FANCL: variants seen among roughly 807,000 people sequenced by gnomAD.
FANCL encodes FA complementation group L, also known as E3 ubiquitin-protein ligase FANCL.
A neutral mutation model predicts 59.4 loss-of-function variants in FANCL; 69 were observed. The ratio of observed to expected loss-of-function variants is 1.16; its 90% CI spans 0.96 to 1.42. The LOEUF (loss-of-function observed/expected upper bound fraction) is 1.42. FANCL is among the 40% of genes most tolerant of loss of function. The pLI, the probability that FANCL is intolerant of heterozygous loss-of-function variation, is 0.00. For synonymous variants in FANCL, 180 were observed against 147.1 expected (o/e 1.22, Z -1.62); for missense variants, 519 against 447.2 (o/e 1.16, Z -1.45).
At chr2:58,169,271 T>C (rs1255533806) in intron 7 of FANCL, among the ~76,000 whole-genome samples, 1 of 152,150 alleles carries the variant, frequency 6.6e-6, no homozygotes, top group Non-Finnish European at 1.5e-5. Flanking sequence ...AAACAAGGTC[T>C]GGAGTGGACC....
At chr2:58,199,147 T>G (rs1385416211) in intron 6 of FANCL, among the ~76,000 whole-genome samples, 1 of 152,214 alleles carries the variant, frequency 6.6e-6, no homozygotes, top group Non-Finnish European at 1.5e-5. Context: ...AGAGCTTATT[T>G]ATAGTCAACC....
chr2:58,235,171 G>A (rs757478584), intron 1 of FANCL, among the ~76,000 whole-genome samples: 1 of 151,918 alleles, frequency 6.6e-6, no homozygotes, highest in Non-Finnish European at 1.5e-5. Flanking sequence ...AATGCATGGA[G>A]AGTAGAGAAA....
At chr2:58,217,336 T>C (rs1691940592) in intron 5 of FANCL, among the ~76,000 whole-genome samples, 1 of 149,574 alleles carries the variant, frequency 6.7e-6, no homozygotes, top group Admixed American at 6.7e-5. Flanking sequence ...AAAATCAAGG[T>C]GTCAGCAAAG....
At chr2:58,211,438 T>A (rs1337119672) in intron 5 of FANCL, among the ~76,000 whole-genome samples, 1 of 152,186 alleles carries the variant, frequency 6.6e-6, no homozygotes, top group Admixed American at 6.5e-5. Flanking sequence ...GGCTGTTATG[T>A]GAGTGGCTGC....
At chr2:58,210,672 A>C (rs746086230) in intron 5 of FANCL, among the ~76,000 whole-genome samples, 7 of 152,156 alleles carry the variant, frequency 4.6e-5, no homozygotes, top group Non-Finnish European at 7.4e-5. Context: ...ATCAAAAGCA[A>C]GTTAGTTACT....
chr2:58,182,529 A>G (rs1035652635), intron 7 of FANCL, among the ~76,000 whole-genome samples: 2 of 151,802 alleles, frequency 1.3e-5, no homozygotes, highest in African/African-American at 4.8e-5. Context: ...TAAATTTTGG[A>G]ATTTTTGAGG....
chr2:58,163,923 C>T (rs1282144816), intron 8 of FANCL, among the ~76,000 whole-genome samples: 7 of 151,536 alleles, frequency 4.6e-5, no homozygotes, highest in Non-Finnish European at 1.0e-4. Context: ...GAACTATGGC[C>T]AAATGTAAAA....
chr2:58,160,184 A>G lies in FANCL; in HGVS notation c.1021-5T>C. 6.2e-7 allele frequency: 1 copy of G among 1,612,416 alleles called. No homozygotes were observed. Among genetic ancestry groups the G allele is most frequent in the Non-Finnish European group, 8.5e-7 (1 of 1,178,670 alleles). ...AGTTAGTAGTCCTCTCAGCCACTGC[A>G]AATTTTAAAAGATAAAGGAGAAGCG... On this transcript the variant is annotated splice_polypyrimidine_tract_variant and splice_region_variant and intron_variant, in intron 12 of 13. Coordinates refer to ENST00000233741, the MANE Select transcript of FANCL (RefSeq NM_018062.4).
chr2:58,230,814 G>T (rs139357658), intron 2 of FANCL, among the ~76,000 whole-genome samples: 1 of 152,078 alleles, frequency 6.6e-6, no homozygotes, highest in East Asian at 1.9e-4. Context: ...CTTTATTGTG[G>T]TATCCTTAAT....
intron 3 of FANCL, among the ~76,000 whole-genome samples, chr2:58,228,239 A>G (rs1693228213): frequency 6.6e-6 from 1 of 152,208 alleles, no homozygotes; most frequent in South Asian, 2.1e-4. Flanking sequence ...TAAATATTTA[A>G]GAGTTACTAT....
rs1558741388 is a variant in FANCL at position 58,165,852 on chromosome 2, C to G, written c.563G>C (p.Ser188Thr). 2 of 1,613,952 alleles carry G rather than the reference C, an allele frequency of 1.2e-6. No individual in the cohort carries two copies. The highest frequency in any genetic ancestry group is 2.2e-5 in the East Asian group (1 of 44,856). ...TGATTCTATTGCTGCCAAAAACTGA[C>G]TATAAATGCTTATTAAGGAGCTCTG... Reference protein sequence around the residue: ...TPQSSLISIYSQFLAAIESLK... With the variant: ...TPQSSLISIYTQFLAAIESLK... The change falls in exon 8 of 14, where the codon AGT (serine) becomes ACT (threonine). Residue 188 changes from serine to threonine, a missense_variant. Ser to Thr is a moderately conservative substitution (Grantham distance 58). Coordinates refer to ENST00000233741, the MANE Select transcript of FANCL (RefSeq NM_018062.4).
In FANCL at chr2:58,162,777, C is replaced by T; in HGVS notation, c.903+89G>A. The T allele has an allele frequency of 2.6e-6, 3 of 1,166,212 alleles. No homozygotes were observed. In the South Asian group the frequency reaches 3.8e-5, roughly 15 times the overall value. 72.2% of individuals were successfully genotyped at this position (1,166,212 alleles called of 1,614,324 possible). On this transcript the variant is annotated intron_variant, in intron 11 of 13. Coordinates refer to ENST00000233741, the MANE Select transcript of FANCL (RefSeq NM_018062.4). ...TGTTATAATATTTTTCTAATTCCCT[C>T]CTTTTTCAGCCTCATTTTTCACTGA...
chr2:58,196,380 A>G (rs929073750), intron 7 of FANCL, among the ~76,000 whole-genome samples: 2 of 152,114 alleles, frequency 1.3e-5, no homozygotes, highest in African/African-American at 2.4e-5. Context: ...CTGAGTTGTG[A>G]TAAAAGGCTG....
intron 1 of FANCL, among the ~76,000 whole-genome samples, chr2:58,238,692 A>G (rs1425880789): frequency 3.9e-5 from 6 of 152,184 alleles, no homozygotes; most frequent in African/African-American, 1.4e-4. Flanking sequence ...TTTATAAACA[A>G]TACTGTCTAA....
chr2:58,174,283 C>A (rs1687025113), intron 7 of FANCL, among the ~76,000 whole-genome samples: 2 of 152,160 alleles, frequency 1.3e-5, no homozygotes, highest in African/African-American at 4.8e-5. Context: ...CTGCACCAAG[C>A]AGACCTAATA....
In FANCL at chr2:58,159,756, A is replaced by T; in HGVS notation, c.*9T>A. 1 of 1,613,166 alleles carries T rather than the reference A, an allele frequency of 6.2e-7. No individual in the cohort carries two copies. The highest frequency in any genetic ancestry group is 1.7e-5 in the Admixed American group (1 of 59,956). On this transcript the variant is annotated 3_prime_UTR_variant, in exon 14 of 14. Coordinates refer to ENST00000233741, the MANE Select transcript of FANCL (RefSeq NM_018062.4). ...TTCCAGCTCTTCACCGAAATGTTGT[A>T]TTCTTATTTCAGTGTTTCCTTCCAG...
chr2:58,210,290 G>A (rs925307330), intron 5 of FANCL, among the ~76,000 whole-genome samples: 1 of 152,098 alleles, frequency 6.6e-6, no homozygotes. Context: ...ATGCAAGGAG[G>A]AACAAGTCCC....
chr2:58,174,524 G>A lies in FANCL; in HGVS notation c.541-8650C>T, dbSNP rs188955556. Among the ~76,000 whole-genome samples, 161 of 152,248 alleles carry A rather than the reference G, an allele frequency of 1.1e-3. 1 individual carries two copies. Among genetic ancestry groups the A allele is most frequent in the African/African-American group, 3.7e-3 (153 of 41,538 alleles). ...CATCTACATGGAAACTGAACAACCTGCTCCAGAATGACTACTGGGTACATA... is the reference window on the plus strand; with the variant it reads ...CATCTACATGGAAACTGAACAACCTACTCCAGAATGACTACTGGGTACATA... On this transcript the variant is annotated intron_variant, in intron 7 of 13. Coordinates refer to ENST00000233741, the MANE Select transcript of FANCL (RefSeq NM_018062.4).
rs751346195 is a variant in FANCL, at chr2:58,163,521, G to A, written c.692-4C>T. 13 of 1,555,024 alleles carry A rather than the reference G, an allele frequency of 8.4e-6. No homozygotes were observed. The highest frequency in any genetic ancestry group is 1.7e-5 in the Admixed American group (1 of 59,728). ...ATATTTATGGAAACATTATTACCTA[G>A]AATGAAACAAGATTAAATCTTTTAG... On this transcript the variant is annotated splice_region_variant and splice_polypyrimidine_tract_variant and intron_variant, in intron 8 of 13. Coordinates refer to ENST00000233741, the MANE Select transcript of FANCL (RefSeq NM_018062.4).
Sources: allele counts gnomAD v4.1 joint callset (sites outside exome capture counted in the v4.1 genomes callset), GRCh38; gene constraint gnomAD v4.1.1; transcripts MANE v1.5; gene names NCBI Gene and HGNC (gene_info 2026-07-23, HGNC 2026-07-21).